Variants in GPR179 observed in about 807,000 individuals in gnomAD.
GPR179 encodes the protein probable G protein-coupled receptor 179.
Under a neutral mutation model 70.8 loss-of-function variants are expected in GPR179, and 52 were observed. The observed-to-expected ratio is 0.73, with a 90% CI of 0.59 to 0.93. The LOEUF (loss-of-function observed/expected upper bound fraction) is 0.93. Ranked by LOEUF, GPR179 falls within the 40% of genes least tolerant of loss-of-function variation. GPR179 has a pLI of 0.00. For missense variants in GPR179, 2,734 were observed against 2,966.8 expected, an observed-to-expected ratio of 0.92 and a Z score of 1.82; for synonymous variants, 1,123 against 1,169.0, an observed-to-expected ratio of 0.96 and a Z score of 0.80.
intron 2 of GPR179, 129 bp downstream of exon 2, chr17:38,339,288 A>C: frequency 9.7e-6 from 6 of 616,598 alleles, no homozygotes; most frequent in South Asian, 2.1e-5. Flanking sequence ...AATCACTAGG[A>C]ACTCCCCTGA....
At position 38,327,208 on chromosome 17, in the gene GPR179, C is replaced by G. The variant is rs1225335478; in HGVS notation, c.6361G>C (p.Glu2121Gln). ...VAEVCLWEVV[E>Q]APSAKKAEIC... ...TCTGCTTTCTTGGCAGAGGGAGCCTCTACCACTTCCCACAGACACACTTCC... is the reference window on the plus strand; with the variant it reads ...TCTGCTTTCTTGGCAGAGGGAGCCTGTACCACTTCCCACAGACACACTTCC... Residue 2121 changes from glutamate (E) to glutamine (Q), a missense_variant, in exon 11 of 11, where the codon GAG (glutamate) becomes CAG (glutamine). Glu to Gln is a conservative substitution (Grantham distance 29). Transcript: ENST00000616987. The G allele has an allele frequency of 6.2e-7, 1 of 1,614,274 alleles. No homozygotes were observed. The highest frequency in any genetic ancestry group is 1.1e-5 in the South Asian group (1 of 91,082).
Position 38,337,203 on chromosome 17 carries a change from C to T in GPR179, c.1002G>A (p.Glu334=). The T allele has an allele frequency of 3.7e-6, 6 of 1,610,944 alleles. No homozygotes were observed. In the Middle Eastern group the frequency reaches 9.9e-4, roughly 266 times the overall value. The change falls in exon 4 of 11, where the codon GAG becomes GAA. Residue 334 remains glutamate, a synonymous_variant. Coordinates refer to ENST00000616987, the MANE Select transcript of GPR179 (RefSeq NM_001004334.4). ...ATTGCCCGGTAGTCTGGAAGTCACT[C>T]TCCTCTAACCCTATAAAGAACAAGA... is the stretch of plus-strand genomic sequence containing the variant. The part of the protein sequence containing the change: ...YGASPSGGLE[E]SDFQTTGQFG...
chr17:38,328,508 G>A lies in GPR179; in HGVS notation c.5061C>T (p.Asp1687=). The change falls in exon 11 of 11, where the codon GAC becomes GAT. Residue 1687 remains aspartate (D), a synonymous_variant. Transcript: ENST00000616987. ...MSGSVGSKAA[D]ICPLDVEENL... is the part of the protein sequence containing the mutation. Reference sequence around the variant, plus strand: ...TTTCCTCCACATCCAAAGGGCAAATGTCGGCAGCTTTGCTTCCCACACTGC... The same window carrying A: ...TTTCCTCCACATCCAAAGGGCAAATATCGGCAGCTTTGCTTCCCACACTGC... The A allele has an allele frequency of 6.2e-7, 1 of 1,612,604 alleles. No individual in the cohort carries two copies. Among genetic ancestry groups the A allele is most frequent in the South Asian group, 1.1e-5 (1 of 91,008 alleles).
Position 38,328,600 on chromosome 17 carries a change from C to G in GPR179, c.4969G>C (p.Gly1657Arg). 6.2e-7 allele frequency: 1 copy of G among 1,614,148 alleles called. No homozygotes were observed. The highest frequency in any genetic ancestry group is 8.5e-7 in the Non-Finnish European group (1 of 1,180,036). Residue 1657 changes from glycine to arginine, a missense_variant, in exon 11 of 11, where the codon GGC (glycine) becomes CGC (arginine). Physicochemically the swap from Gly to Arg is moderately radical, Grantham distance 125 (BLOSUM62 -2). Coordinates refer to ENST00000616987, the MANE Select transcript of GPR179 (RefSeq NM_001004334.4). The part of the protein sequence containing the change: ...AVGPWESVDP[G>R]SFSPQPRPQD... ...GGACGTGGTTGTGGGGAGAAGCTGC[C>G]AGGGTCCACACTCTCCCAGGGGCCG...
In GPR179 at chr17:38,343,698, G is replaced by A. The variant is rs1334317820; in HGVS notation, c.92C>T (p.Pro31Leu). 2 of 1,602,504 alleles carry A rather than the reference G, an allele frequency of 1.2e-6. No homozygotes were observed. The highest frequency in any genetic ancestry group is 8.5e-7 in the Non-Finnish European group (1 of 1,172,782). Residue 31 changes from proline (P) to leucine (L), a missense_variant, in exon 1 of 11, where the codon CCC becomes CTC. By Grantham distance (98) the Pro-to-Leu change is moderately conservative (BLOSUM62 -3). Transcript: ENST00000616987. This position sits in a 1 kb window ranked among gnomAD's most constrained non-coding sequence, Gnocchi z 4.2. Reference protein sequence around the residue: ...VCAWALGGPRPIRSLPPLSSQ... With the variant: ...VCAWALGGPRLIRSLPPLSSQ... ...AGACAGAGGGGGCAGAGAGCGGATG[G>A]GCCGTGGACCCCCCAGAGCCCAGGC...
rs1255548329 is a variant in GPR179, at chr17:38,335,031, A to T, written c.1645+2T>A. 6.2e-7 allele frequency: 1 copy of T among 1,609,586 alleles called. No individual in the cohort carries two copies. The highest frequency in any genetic ancestry group is 2.2e-5 in the East Asian group (1 of 44,784). The stretch of plus-strand genomic sequence containing the variant: ...AGGCTGGGCTCAGCAGAAGCAGCTC[A>T]CCCACAACCATGATGTAGTCCCAGC... On this transcript the variant is annotated splice_donor_variant, in intron 7 of 10. Coordinates refer to ENST00000616987, the MANE Select transcript of GPR179 (RefSeq NM_001004334.4). LOFTEE classifies it high-confidence loss of function.
At position 38,334,791 on chromosome 17, in the gene GPR179, G is replaced by A; in HGVS notation, c.1697C>T (p.Ala566Val). The change falls in exon 8 of 11, where the codon GCT (alanine) becomes GTT (valine). Residue 566 changes from alanine (A) to valine (V), a missense_variant. By Grantham distance (64) the Ala-to-Val change is moderately conservative (BLOSUM62 0). Transcript: ENST00000616987. The surrounding 1 kb of genome is among the most constrained non-coding windows in gnomAD (Gnocchi z 4.7). ...TGGCTCATGGAAGGCCGAGAGCACAGCCCGTGTGGCGTAGCAGAGGAAGCT... is the reference window on the plus strand; with the variant it reads ...TGGCTCATGGAAGGCCGAGAGCACAACCCGTGTGGCGTAGCAGAGGAAGCT... The part of the protein sequence containing the change: ...WGSFLCYATR[A>V]VLSAFHEPRY... 6.2e-7 allele frequency: 1 copy of A among 1,613,454 alleles called. No homozygotes were observed. Among genetic ancestry groups the A allele is most frequent in the Non-Finnish European group, 8.5e-7 (1 of 1,179,978 alleles).
chr17:38,334,261 G>T lies in GPR179; in HGVS notation c.1785-223C>A, dbSNP rs1179399108. On this transcript the variant is annotated intron_variant, in intron 8 of 10. Coordinates refer to ENST00000616987, the MANE Select transcript of GPR179 (RefSeq NM_001004334.4). This position sits in a 1 kb window ranked among gnomAD's most constrained non-coding sequence, Gnocchi z 4.7. ...ATACTCCAGCTCACTTTCTTTGGCT[G>T]TGTATAGCACAGACCTGTGCTCCAG... is the stretch of plus-strand genomic sequence containing the variant. Among the ~76,000 whole-genome samples the T allele has an allele frequency of 6.6e-6, 1 of 152,226 alleles. No individual in the cohort carries two copies. The highest frequency in any genetic ancestry group is 6.5e-5 in the Admixed American group (1 of 15,288).
At chr17:38,338,157 GC>G (rs2037421927) in intron 2 of GPR179, among the ~76,000 whole-genome samples, 1 of 152,186 alleles carries the variant, frequency 6.6e-6, no homozygotes, top group Admixed American at 6.5e-5. Flanking sequence ...GACTGGAAAG[GC>G]CCCCCACGGA....
At position 38,329,698 on chromosome 17, in the gene GPR179, C is replaced by T. The variant is rs748357672; in HGVS notation, c.3871G>A (p.Gly1291Arg). Residue 1291 changes from glycine (G) to arginine (R), a missense_variant, in exon 11 of 11, where the codon GGG (glycine) becomes AGG (arginine). Transcript: ENST00000616987. ...QDPGDSQKKR[G>R]EARGKSEPID... ...GGCTCTGATTTTCCCCGGGCCTCCCCTCTCTTTTTTTGGGAGTCACCTGGG... is the reference window on the plus strand; with the variant it reads ...GGCTCTGATTTTCCCCGGGCCTCCCTTCTCTTTTTTTGGGAGTCACCTGGG... The T allele has an allele frequency of 6.8e-6, 11 of 1,614,088 alleles. No homozygotes were observed. The highest frequency in any genetic ancestry group is 7.6e-6 in the Non-Finnish European group (9 of 1,180,040).
chr17:38,329,491 TCTC>T lies in GPR179; in HGVS notation c.4075_4077del (p.Glu1359del). Reference sequence around the variant, plus strand: ...GGGCCAGCAGCTTCCCACCCAGGCTTCTCCACCTTCCTGGCCTCCACACTGTCC... The same window carrying T: ...GGGCCAGCAGCTTCCCACCCAGGCTTCACCTTCCTGGCCTCCACACTGTCC... On this transcript the variant is annotated inframe_deletion, in exon 11 of 11. Coordinates refer to ENST00000616987, the MANE Select transcript of GPR179 (RefSeq NM_001004334.4). 1.9e-6 allele frequency: 3 copies of T among 1,613,994 alleles called. No homozygotes were observed. The highest frequency in any genetic ancestry group is 4.5e-5 in the East Asian group (2 of 44,862).
In GPR179 at chr17:38,330,411, T is replaced by A. The variant is rs1384105990; in HGVS notation, c.3158A>T (p.His1053Leu). ...GENEMDAEDA[H>L]HQREANDVDE... ...CACATCATTAGCTTCCCTCTGGTGA[T>A]GTGCATCCTCTGCGTCCATCTCATT... is the stretch of plus-strand genomic sequence containing the variant. The change falls in exon 11 of 11, where the codon CAT becomes CTT. Residue 1053 changes from histidine to leucine, a missense_variant. Coordinates refer to ENST00000616987, the MANE Select transcript of GPR179 (RefSeq NM_001004334.4). 1 of 1,607,024 alleles carries A rather than the reference T, an allele frequency of 6.2e-7. No individual in the cohort carries two copies. The highest frequency in any genetic ancestry group is 1.3e-5 in the African/African-American group (1 of 74,810).
chr17:38,330,276 C>A lies in GPR179; in HGVS notation c.3293G>T (p.Arg1098Leu). 6.2e-7 allele frequency: 1 copy of A among 1,604,712 alleles called. No individual in the cohort carries two copies. Among genetic ancestry groups the A allele is most frequent in the South Asian group, 1.1e-5 (1 of 90,070 alleles). ...ACTCTCCTTCTCTCTGTAGGTGCTCCGAGAACGGGTCAGAGCTTTAATCGC... is the reference window on the plus strand; with the variant it reads ...ACTCTCCTTCTCTCTGTAGGTGCTCAGAGAACGGGTCAGAGCTTTAATCGC... ...GLAIKALTRS[R>L]STYREKESVE... Residue 1098 changes from arginine to leucine, a missense_variant, in exon 11 of 11, where the codon CGG becomes CTG. Coordinates refer to ENST00000616987, the MANE Select transcript of GPR179 (RefSeq NM_001004334.4).
At chr17:38,342,116 T>C (rs72832288) in intron 1 of GPR179, among the ~76,000 whole-genome samples, 38,749 of 151,120 alleles carry the variant, frequency 0.26, 6,828 homozygotes, top group African/African-American at 0.51. Flanking sequence ...GACTCTGTCT[T>C]GAAAAAAAAA....
chr17:38,331,683 C>A, intron 10 of GPR179, 152 bp from the exon 11 acceptor site: 2 of 1,409,016 alleles, frequency 1.4e-6, no homozygotes, highest in Non-Finnish European at 1.9e-6. Context: ...TCTCGTAATT[C>A]ACCTCTTTGT....
intron 1 of GPR179, 143 bp downstream of exon 1, chr17:38,342,853 C>T: frequency 1.3e-6 from 1 of 769,514 alleles, no homozygotes; most frequent in South Asian, 1.7e-5. Context: ...TAAGTACACA[C>T]AGCTGAGTAC....
Position 38,326,585 on chromosome 17 carries a change from TG to T in GPR179, c.6983del (p.Pro2328GlnfsTer13). Reference protein sequence around the residue: ...LEPRTSLAPEPSLQEAESQSS... With the variant: ...LEPRTSLAPEXSLQEAESQSS... The stretch of plus-strand genomic sequence containing the variant: ...ACTGAGACTCAGCTTCCTGGAGACT[TG>T]GCTCTGGGGCTAAGCTGGTCCTTGG... On this transcript the variant is annotated frameshift_variant, in exon 11 of 11. Transcript: ENST00000616987. LOFTEE classifies it low-confidence loss of function (END_TRUNC). 1 of 1,614,240 alleles carries T rather than the reference TG, an allele frequency of 6.2e-7. No individual in the cohort carries two copies. The highest frequency in any genetic ancestry group is 8.5e-7 in the Non-Finnish European group (1 of 1,180,032).
At chr17:38,340,468 G>T (rs1040622658) in intron 1 of GPR179, among the ~76,000 whole-genome samples, 1 of 152,202 alleles carries the variant, frequency 6.6e-6, no homozygotes, top group African/African-American at 2.4e-5. Flanking sequence ...TTTTAGTGGA[G>T]ACGAGCTTTG....
chr17:38,330,035 G>C lies in GPR179; in HGVS notation c.3534C>G (p.Asp1178Glu), dbSNP rs769422252. 1.3e-5 allele frequency: 21 copies of C among 1,614,110 alleles called. No homozygotes were observed. The highest frequency in any genetic ancestry group is 1.6e-5 in the Non-Finnish European group (19 of 1,180,050). The change falls in exon 11 of 11, where the codon GAC (aspartate) becomes GAG (glutamate). Residue 1178 changes from aspartate to glutamate, a missense_variant. Physicochemically the swap from Asp to Glu is conservative, Grantham distance 45. Transcript: ENST00000616987. ...CQREGSREQE[D>E]RGRRMTQGLG... ...GACCCTGGGTCATCCTCCTGCCTCT[G>C]TCTTCTTGTTCCCTGCTGCCCTCCC... is the stretch of plus-strand genomic sequence containing the variant.
Sources: gnomAD v4.1 joint callset for allele counts (sites outside exome capture counted in the v4.1 genomes callset) on GRCh38, gnomAD v4.1.1 for gene constraint, Gnocchi (gnomAD v3.1) non-coding constraint, MANE v1.5 for transcripts, NCBI Gene and HGNC (gene_info 2026-07-23, HGNC 2026-07-21) for gene names.